The following NLRP9 variants were observed in gnomAD, a reference collection of about 807,000 sequenced individuals.
NLRP9 encodes the protein NLR family pyrin domain containing 9, also known as NACHT, LRR and PYD domains-containing protein 9.
NLRP9 carries 88 observed loss-of-function variants against 83.1 expected under a neutral mutation model. The observed-to-expected ratio is 1.06, with a 90% CI of 0.89 to 1.26. NLRP9 has a LOEUF of 1.26. Ranked by LOEUF, NLRP9 falls within the 50% of genes most tolerant of loss-of-function variation. The pLI, the probability that NLRP9 is intolerant of heterozygous loss-of-function variation, is 0.00. For missense variants in NLRP9, 1,308 were observed against 1,179.3 expected (o/e 1.11, Z -1.60); for synonymous variants, 521 against 447.6 (o/e 1.16, Z -2.07).
rs534327231 is a variant in NLRP9 at position 55,717,329 on chromosome 19, G to A, written c.2160-431C>T. ...ATTACATGGATGAGCCACCGCGCCC[G>A]GCCACATTACAAACTTTTAAGAAGT... On this transcript the variant is annotated intron_variant, in intron 4 of 8. Transcript: ENST00000332836. Among the ~76,000 whole-genome samples the A allele has an allele frequency of 3.3e-5, 5 of 152,172 alleles. No homozygotes were observed. The East Asian group carries it at 7.7e-4, about 24-fold the overall frequency.
At chr19:55,737,992 A>G in intron 1 of NLRP9, 103 bp downstream of exon 1, 1 of 1,107,648 alleles carries the variant, frequency 9.0e-7, no homozygotes, top group Middle Eastern at 3.0e-4. Flanking sequence ...CTTGACCCAC[A>G]CACATTCTCA....
intron 2 of NLRP9, among the ~76,000 whole-genome samples, chr19:55,730,903 A>G (rs949925279): frequency 1.3e-5 from 2 of 152,166 alleles, no homozygotes; most frequent in Admixed American, 1.3e-4. Flanking sequence ...CTGCACATGT[A>G]TCCCTGAACT....
At chr19:55,714,472 C>A (rs1194294703) in intron 6 of NLRP9, among the ~76,000 whole-genome samples, 1 of 152,162 alleles carries the variant, frequency 6.6e-6, no homozygotes, top group Non-Finnish European at 1.5e-5. Flanking sequence ...GGGACTCCAT[C>A]CAGGCCTTTC....
intron 8 of NLRP9, chr19:55,709,944 T>TC (rs1261196283): frequency 2.6e-5 from 4 of 152,244 alleles, no homozygotes; most frequent in East Asian, 1.9e-4. Context: ...TGTCCTTCCT[T>TC]CTTGCCAGGT....
chr19:55,715,076 C>A lies in NLRP9; in HGVS notation c.2480G>T (p.Gly827Val). Residue 827 changes from glycine to valine, a missense_variant, in exon 6 of 9, where the codon GGC becomes GTC. Physicochemically the swap from Gly to Val is moderately radical, Grantham distance 109 (BLOSUM62 -3). Coordinates refer to ENST00000332836, the MANE Select transcript of NLRP9 (RefSeq NM_176820.4). ...CTACCACAGCTCCCGTATGCTGCAG[C>A]CTGGGTGCTTCAGCGCTGCACACAG... Reference protein sequence around the residue: ...ASLCAALKHPGCSIRELWLMG... With the variant: ...ASLCAALKHPVCSIRELWLMG... The A allele has an allele frequency of 6.2e-7, 1 of 1,612,070 alleles. No individual in the cohort carries two copies. The highest frequency in any genetic ancestry group is 8.5e-7 in the Non-Finnish European group (1 of 1,179,490).
intron 8 of NLRP9, chr19:55,711,238 T>C (rs1358974703): frequency 2.3e-6 from 1 of 429,730 alleles, no homozygotes; most frequent in Non-Finnish European, 3.1e-6. Context: ...CGCCCATTTG[T>C]TTTTTAAAAA....
At chr19:55,727,935 A>AAG (rs1988448438) in intron 3 of NLRP9, among the ~76,000 whole-genome samples, 1 of 152,144 alleles carries the variant, frequency 6.6e-6, no homozygotes, top group Non-Finnish European at 1.5e-5. Flanking sequence ...CAAAGGAAAA[A>AAG]CCACCAAGGG....
chr19:55,727,832 A>G (rs1176251348), intron 3 of NLRP9, among the ~76,000 whole-genome samples: 1 of 152,178 alleles, frequency 6.6e-6, no homozygotes, highest in East Asian at 1.9e-4. Flanking sequence ...GTGCTCCCCA[A>G]GATCACTCCT....
Position 55,732,827 on chromosome 19 carries a change from T to C in NLRP9, c.1004A>G (p.His335Arg), listed in dbSNP as rs1176281138. 1 of 1,614,200 alleles carries C rather than the reference T, an allele frequency of 6.2e-7. No individual in the cohort carries two copies. Among genetic ancestry groups the C allele is most frequent in the Non-Finnish European group, 8.5e-7 (1 of 1,180,036 alleles). Reference sequence around the variant, plus strand: ...GACCAACCAGCACGTAAAGGGATTATGGCACAAGATAAACAGCGGCCCATT... The same window carrying C: ...GACCAACCAGCACGTAAAGGGATTACGGCACAAGATAAACAGCGGCCCATT... ...RDNGPLFILC[H>R]NPFTCWLVCT... Residue 335 changes from histidine to arginine, a missense_variant, in exon 2 of 9, where the codon CAT (histidine) becomes CGT (arginine). Physicochemically the swap from His to Arg is conservative, Grantham distance 29 (BLOSUM62 0). Transcript: ENST00000332836.
rs905379436 is a variant in NLRP9, at chr19:55,711,254, A to T, written c.2843+546T>A. On this transcript the variant is annotated intron_variant, in intron 8 of 8. Transcript: ENST00000332836. ...GCCCATTTGTTTTTTAAAAAATAAA[A>T]AAATAACTTTTAAAAATTAAAAAAA... 29 of 534,874 alleles carry T rather than the reference A, an allele frequency of 5.4e-5. No individual in the cohort carries two copies. The African/African-American group carries it at 6.0e-4, about 11-fold the overall frequency. 33.1% of individuals were successfully genotyped at this position (534,874 alleles called of 1,614,324 possible).
intron 8 of NLRP9, chr19:55,711,439 A>C (rs1987719883): frequency 7.7e-7 from 1 of 1,301,344 alleles, no homozygotes; most frequent in African/African-American, 1.5e-5. Context: ...AGCCCTTCTG[A>C]AGTCTGAGCT....
intron 4 of NLRP9, among the ~76,000 whole-genome samples, chr19:55,721,686 C>A (rs1220701639): frequency 6.6e-6 from 1 of 152,136 alleles, no homozygotes; most frequent in African/African-American, 2.4e-5. Context: ...CAAATCTCAT[C>A]CTGTAGCTCC....
rs929005701 is a variant in NLRP9 at position 55,733,143 on chromosome 19, A to G, written c.688T>C (p.Phe230Leu). ...TGTAAGTTAAACTTCAGTTGCTCAA[A>G]GCCATCCATGATGAACAGAATTCTC... ...PERILFIMDG[F>L]EQLKFNLQLK... Residue 230 changes from phenylalanine (F) to leucine (L), a missense_variant, in exon 2 of 9, where the codon TTT becomes CTT. By Grantham distance (22) the Phe-to-Leu change is conservative. Coordinates refer to ENST00000332836, the MANE Select transcript of NLRP9 (RefSeq NM_176820.4). The G allele has an allele frequency of 3.1e-6, 5 of 1,614,058 alleles. No homozygotes were observed. The African/African-American group carries it at 6.7e-5, about 22-fold the overall frequency.
At position 55,711,873 on chromosome 19, in the gene NLRP9, C is replaced by T. The variant is rs1486685091; in HGVS notation, c.2770G>A (p.Ala924Thr). ...TLRSLNLDWI[A>T]LDADAVVVLC... is the part of the protein sequence containing the mutation. ...ACCACCACTGCATCAGCATCCAAGGCAATCCAGTCGAGGTTCAGGCTCCTC... is the reference window on the plus strand; with the variant it reads ...ACCACCACTGCATCAGCATCCAAGGTAATCCAGTCGAGGTTCAGGCTCCTC... The change falls in exon 8 of 9, where the codon GCC (alanine) becomes ACC (threonine). Residue 924 changes from alanine (A) to threonine (T), a missense_variant. By Grantham distance (58) the Ala-to-Thr change is moderately conservative (BLOSUM62 0). Coordinates refer to ENST00000332836, the MANE Select transcript of NLRP9 (RefSeq NM_176820.4). The T allele has an allele frequency of 6.2e-7, 1 of 1,613,378 alleles. No homozygotes were observed.
intron 3 of NLRP9, among the ~76,000 whole-genome samples, chr19:55,725,982 C>T (rs1988389763): frequency 6.6e-6 from 1 of 151,676 alleles, no homozygotes. Flanking sequence ...GCCGAGATTG[C>T]ACCATTGCAC....
Position 55,732,500 on chromosome 19 carries a change from A to G in NLRP9, c.1331T>C (p.Met444Thr), listed in dbSNP as rs1419950261. 1.9e-6 allele frequency: 3 copies of G among 1,614,230 alleles called. No individual in the cohort carries two copies. Among genetic ancestry groups the G allele is most frequent in the Non-Finnish European group, 2.5e-6 (3 of 1,180,042 alleles). Reference protein sequence around the residue: ...LQRRGDCFAFMHLCIQEFCAA... With the variant: ...LQRRGDCFAFTHLCIQEFCAA... Reference sequence around the variant, plus strand: ...ACAAAACTCTTGGATACACAGATGCATGAAGGCAAAACAGTCCCCTCTCCT... The same window carrying G: ...ACAAAACTCTTGGATACACAGATGCGTGAAGGCAAAACAGTCCCCTCTCCT... Residue 444 changes from methionine (M) to threonine (T), a missense_variant, in exon 2 of 9, where the codon ATG (methionine) becomes ACG (threonine). Physicochemically the swap from Met to Thr is moderately conservative, Grantham distance 81. Transcript: ENST00000332836.
chr19:55,734,540 TATAC>T (rs1487962407), intron 1 of NLRP9, among the ~76,000 whole-genome samples: 5 of 142,268 alleles, frequency 3.5e-5, no homozygotes, highest in Admixed American at 7.1e-5. Context: ...TATATATATA[TATAC>T]ATATATACGC....
chr19:55,709,005 G>T lies in NLRP9; in HGVS notation c.2883C>A (p.Ile961=), dbSNP rs757598069. The T allele has an allele frequency of 5.0e-6, 8 of 1,585,978 alleles. No individual in the cohort carries two copies. The Admixed American group carries it at 1.5e-4, about 30-fold the overall frequency. ...KSGFDEETQK[I]LMSVEEKIPH... is the part of the protein sequence containing the mutation. ...GAATTTTTTCTTCCACAGACATCAG[G>T]ATCTTCTGAGTTTCTTCATCAAAGC... Residue 961 remains isoleucine, a synonymous_variant, in exon 9 of 9, where the codon ATC becomes ATA. Coordinates refer to ENST00000332836, the MANE Select transcript of NLRP9 (RefSeq NM_176820.4).
chr19:55,721,490 T>C (rs917343094), intron 4 of NLRP9, among the ~76,000 whole-genome samples: 1 of 152,130 alleles, frequency 6.6e-6, no homozygotes, highest in Admixed American at 6.6e-5. Flanking sequence ...CCATTCTGTT[T>C]TAGCCAAGCT....
Sources: allele counts gnomAD v4.1 joint callset (sites outside exome capture counted in the v4.1 genomes callset), GRCh38; gene constraint gnomAD v4.1.1; transcripts MANE v1.5; gene names NCBI Gene and HGNC (gene_info 2026-07-23, HGNC 2026-07-21).